The following TIAM1 variants were observed in gnomAD, a reference collection of about 807,000 sequenced individuals.
TIAM1 encodes TIAM Rac1 associated GEF 1.
A neutral mutation model predicts 163.5 loss-of-function variants in TIAM1; 65 were observed. The ratio of observed to expected loss-of-function variants is 0.40; its 90% CI spans 0.33 to 0.49. The LOEUF (loss-of-function observed/expected upper bound fraction) is 0.49. Ranked by LOEUF, TIAM1 falls within the 20% of genes least tolerant of loss-of-function variation. The pLI is 0.77. For missense variants in TIAM1, 1,789 were observed against 2,044.7 expected (o/e 0.87, Z 2.41); for synonymous variants, 833 against 810.1 (o/e 1.03, Z -0.48).
intron 2 of TIAM1, among the ~76,000 whole-genome samples, chr21:31,355,173 CA>C (rs35512560): frequency 0.2 from 25,560 of 128,414 alleles, 2,363 homozygotes; most frequent in Middle Eastern, 0.33. Flanking sequence ...CCCCCACCAC[CA>C]AAAAAAAAAA....
chr21:31,159,821 C>T (rs1414078346), intron 16 of TIAM1, among the ~76,000 whole-genome samples: 1 of 152,186 alleles, frequency 6.6e-6, no homozygotes, highest in Non-Finnish European at 1.5e-5. Context: ...TATTTCTTGC[C>T]ATTACCCCAC....
chr21:31,439,203 G>A (rs2044330360), intron 2 of TIAM1, among the ~76,000 whole-genome samples: 1 of 152,112 alleles, frequency 6.6e-6, no homozygotes, highest in East Asian at 1.9e-4. Context: ...AACTAGACTT[G>A]GCCCCAAGAG....
chr21:31,265,969 C>A, intron 4 of TIAM1, 41 bp downstream of exon 4: 2 of 1,596,942 alleles, frequency 1.3e-6, no homozygotes, highest in South Asian at 2.3e-5. Flanking sequence ...AAGAGTCATG[C>A]ACCATTCCCA....
intron 2 of TIAM1, among the ~76,000 whole-genome samples, chr21:31,280,178 C>A: frequency 6.6e-6 from 1 of 152,180 alleles, no homozygotes; most frequent in Non-Finnish European, 1.5e-5. Flanking sequence ...TATGGTTTGG[C>A]AGTGCCCCCA....
intron 2 of TIAM1, among the ~76,000 whole-genome samples, chr21:31,421,597 A>G (rs1388171859): frequency 6.6e-6 from 1 of 152,218 alleles, no homozygotes; most frequent in African/African-American, 2.4e-5. Flanking sequence ...GAGATGGAAC[A>G]GTTTCATTCT....
chr21:31,420,484 C>T (rs2043528380), intron 2 of TIAM1, among the ~76,000 whole-genome samples: 1 of 152,072 alleles, frequency 6.6e-6, no homozygotes, highest in Admixed American at 6.6e-5. Flanking sequence ...TATCCCAGAC[C>T]CTAAAGAGTC....
intron 1 of TIAM1, among the ~76,000 whole-genome samples, chr21:31,517,791 A>G (rs1170397015): frequency 6.6e-6 from 1 of 152,186 alleles, no homozygotes; most frequent in Admixed American, 6.5e-5. Flanking sequence ...GAGGAAGGAA[A>G]CTTTCTTATC....
At chr21:31,472,848 T>C (rs2045795824) in intron 1 of TIAM1, among the ~76,000 whole-genome samples, 1 of 152,232 alleles carries the variant, frequency 6.6e-6, no homozygotes, top group African/African-American at 2.4e-5. Flanking sequence ...GCAGAATGCT[T>C]TGAACAGAGC....
chr21:31,251,448 A>G (rs2071798273), intron 5 of TIAM1, among the ~76,000 whole-genome samples: 1 of 152,196 alleles, frequency 6.6e-6, no homozygotes, highest in Non-Finnish European at 1.5e-5. Flanking sequence ...CCTGCCTCCC[A>G]AAGTGCTGGG....
chr21:31,511,397 C>T (rs1450642766), intron 1 of TIAM1, among the ~76,000 whole-genome samples: 1 of 152,188 alleles, frequency 6.6e-6, no homozygotes, highest in East Asian at 1.9e-4. Flanking sequence ...TTAGTGCGGA[C>T]TCTGTGGCCA....
At chr21:31,195,049 A>G (rs1490304996) in intron 13 of TIAM1, among the ~76,000 whole-genome samples, 175 bp downstream of exon 13, 1 of 152,242 alleles carries the variant, frequency 6.6e-6, no homozygotes, top group Non-Finnish European at 1.5e-5. Context: ...TCTACATCGT[A>G]CCCAGAGTAA....
intron 2 of TIAM1, among the ~76,000 whole-genome samples, chr21:31,287,247 G>A (rs779618157): frequency 3.9e-5 from 6 of 152,142 alleles, no homozygotes; most frequent in African/African-American, 2.4e-5. Context: ...AAATAGCTAC[G>A]CTTAGGGCTA....
At chr21:31,485,524 C>T (rs993115439) in intron 1 of TIAM1, among the ~76,000 whole-genome samples, 1 of 152,150 alleles carries the variant, frequency 6.6e-6, no homozygotes, top group African/African-American at 2.4e-5. Flanking sequence ...AACGCTAACT[C>T]TGGGATAACA....
At chr21:31,216,740 T>C (rs769990410) in intron 9 of TIAM1, among the ~76,000 whole-genome samples, 3 of 152,014 alleles carry the variant, frequency 2.0e-5, no homozygotes, top group Admixed American at 6.6e-5. Flanking sequence ...TTCCAGCCCC[T>C]GGACCTGAGC....
At chr21:31,361,470 G>A (rs1381673586) in intron 2 of TIAM1, among the ~76,000 whole-genome samples, 1 of 152,108 alleles carries the variant, frequency 6.6e-6, no homozygotes, top group East Asian at 1.9e-4. Context: ...TGCATTTCTC[G>A]AGCTGGTGAT....
At chr21:31,168,254 G>A (rs1364790279) in intron 15 of TIAM1, among the ~76,000 whole-genome samples, 2 of 151,182 alleles carry the variant, frequency 1.3e-5, no homozygotes, top group Non-Finnish European at 2.9e-5. Flanking sequence ...CACCACGCTG[G>A]CTAATTTCTG....
At chr21:31,143,465 T>C (rs186462607) in intron 20 of TIAM1, among the ~76,000 whole-genome samples, 56 of 150,672 alleles carry the variant, frequency 3.7e-4, no homozygotes, top group South Asian at 1.9e-3. Flanking sequence ...TATATATATA[T>C]ACACACACAC....
intron 1 of TIAM1, among the ~76,000 whole-genome samples, chr21:31,503,016 G>A (rs2046897685): frequency 6.6e-6 from 1 of 152,194 alleles, no homozygotes; most frequent in Non-Finnish European, 1.5e-5. Flanking sequence ...GCCACACCCT[G>A]GGCTCTGATG....
At position 31,181,783 on chromosome 21, in the gene TIAM1, T is replaced by C. The variant is rs1458432024; in HGVS notation, c.2887+638A>G. 2.5e-4 allele frequency among the ~76,000 whole-genome samples: 21 copies of C among 82,778 alleles called. 1 individual carries two copies. Among genetic ancestry groups the C allele is most frequent in the South Asian group, 1.5e-3 (3 of 2,024 alleles). 54.3% of individuals were successfully genotyped at this position (82,778 alleles called of 152,430 possible). A position where few individuals can be genotyped will look rare whatever the true frequency, so the allele number is the denominator to read the frequency against. ...TTTTTTTTTTTTTTTTTTTTTTTTT[T>C]TTTTTTTTTTTTTTTTTTTTTTACG... On this transcript the variant is annotated intron_variant, in intron 15 of 27. Transcript: ENST00000541036.
Sources: allele counts gnomAD v4.1 joint callset (sites outside exome capture counted in the v4.1 genomes callset), GRCh38; gene constraint gnomAD v4.1.1; transcripts MANE v1.5; gene names NCBI Gene and HGNC (gene_info 2026-07-23, HGNC 2026-07-21).